ADAMTS20: variants seen among roughly 807,000 people sequenced by gnomAD.
ADAMTS20 encodes A disintegrin and metalloproteinase with thrombospondin motifs 20.
In ADAMTS20, 225 loss-of-function variants were observed where a neutral mutation model predicts 260.1. The observed-to-expected ratio is 0.87, with a 90% CI of 0.78 to 0.97. ADAMTS20 has a LOEUF of 0.97. Among genes scored for constraint, ADAMTS20 ranks in the 50% least tolerant of loss-of-function variants. The probability of loss-of-function intolerance (pLI) is 0.00; values close to 1 mark genes in which losing one functional copy is unlikely to be tolerated. For missense variants in ADAMTS20, 2,400 were observed against 2,337.7 expected, an observed-to-expected ratio of 1.03 and a Z score of -0.55; for synonymous variants, 802 against 769.5, an observed-to-expected ratio of 1.04 and a Z score of -0.70.
chr12:43,426,974 C>A (rs1270118029), intron 27 of ADAMTS20, among the ~76,000 whole-genome samples: 1 of 152,006 alleles, frequency 6.6e-6, no homozygotes, highest in Non-Finnish European at 1.5e-5. Flanking sequence ...GAGTTTGAGA[C>A]CAGCCTGGTC....
At chr12:43,404,928 T>G (rs1417630156) in intron 28 of ADAMTS20, among the ~76,000 whole-genome samples, 1 of 152,050 alleles carries the variant, frequency 6.6e-6, no homozygotes, top group Non-Finnish European at 1.5e-5. Flanking sequence ...ATAGCCTAAA[T>G]TATTGCCAGC....
Position 43,446,732 on chromosome 12 carries a change from T to A in ADAMTS20, c.2080-20A>T, listed in dbSNP as rs1248060395. Reference sequence around the variant, plus strand: ...AGCTGCCTTCAAGACACAATTACAATCAATATTATAAGAATGACTAATTAT... The same window carrying A: ...AGCTGCCTTCAAGACACAATTACAAACAATATTATAAGAATGACTAATTAT... On this transcript the variant is annotated intron_variant, in intron 14 of 38. Coordinates refer to ENST00000389420, the MANE Select transcript of ADAMTS20 (RefSeq NM_025003.5). The A allele has an allele frequency of 6.4e-7, 1 of 1,571,622 alleles. No homozygotes were observed. Among genetic ancestry groups the A allele is most frequent in the Non-Finnish European group, 8.8e-7 (1 of 1,142,640 alleles).
intron 12 of ADAMTS20, 108 bp from the exon 13 acceptor site, chr12:43,452,803 A>G (rs1405276459): frequency 2.0e-6 from 2 of 1,008,360 alleles, no homozygotes; most frequent in Non-Finnish European, 2.8e-6. Context: ...GTGAAGTCCC[A>G]CTAACACTTT....
rs376091952 is a variant in ADAMTS20, at chr12:43,454,131, A to G, written c.1615-79T>C. On this transcript the variant is annotated intron_variant, in intron 11 of 38. Coordinates refer to ENST00000389420, the MANE Select transcript of ADAMTS20 (RefSeq NM_025003.5). ...CACAAAAATTATAATAGCAGCATAA[A>G]GATCAACAGAAGAACAAACTAAACA... The G allele has an allele frequency of 2.9e-5, 43 of 1,484,020 alleles. No individual in the cohort carries two copies. In the South Asian group the frequency reaches 3.6e-4, roughly 13 times the overall value. 91.9% of individuals were successfully genotyped at this position (1,484,020 alleles called of 1,614,324 possible). A position where few individuals can be genotyped will look rare whatever the true frequency, so the allele number is the denominator to read the frequency against.
At chr12:43,471,347 T>C (rs1192559593) in intron 7 of ADAMTS20, among the ~76,000 whole-genome samples, 2 of 143,828 alleles carry the variant, frequency 1.4e-5, no homozygotes, top group African/African-American at 2.6e-5. Flanking sequence ...GCCCACGGAG[T>C]CTCGCTGTTT....
chr12:43,476,944 A>G (rs1942364512), intron 7 of ADAMTS20, among the ~76,000 whole-genome samples: 1 of 149,578 alleles, frequency 6.7e-6, no homozygotes, highest in Non-Finnish European at 1.5e-5. Context: ...ATGTATACAT[A>G]TGTAACTAAC....
chr12:43,396,601 TGACAAG>T (rs1321036630), intron 29 of ADAMTS20, among the ~76,000 whole-genome samples: 1 of 152,136 alleles, frequency 6.6e-6, no homozygotes, highest in Non-Finnish European at 1.5e-5. Flanking sequence ...CTAATTTCTA[TGACAAG>T]GAAAACTAAT....
intron 7 of ADAMTS20, among the ~76,000 whole-genome samples, chr12:43,474,617 A>C (rs1375541694): frequency 1.8e-5 from 2 of 109,084 alleles, no homozygotes; most frequent in Non-Finnish European, 3.7e-5. Flanking sequence ...CGAATCCAGC[A>C]GCACATCAAA....
At chr12:43,385,766 T>C (rs1940459247) in intron 29 of ADAMTS20, among the ~76,000 whole-genome samples, 1 of 152,108 alleles carries the variant, frequency 6.6e-6, no homozygotes. Flanking sequence ...GGTTGTAGTT[T>C]TGTGGTGTTA....
chr12:43,514,191 A>G (rs1942964996), intron 3 of ADAMTS20, among the ~76,000 whole-genome samples: 1 of 151,238 alleles, frequency 6.6e-6, no homozygotes, highest in Non-Finnish European at 1.5e-5. Context: ...GGCTCAAGCA[A>G]TCTTCCCACC....
intron 31 of ADAMTS20, among the ~76,000 whole-genome samples, chr12:43,379,671 A>G (rs1373730452): frequency 6.6e-6 from 1 of 152,216 alleles, no homozygotes; most frequent in Admixed American, 6.5e-5. Context: ...AAACTAAGTG[A>G]GCAGAGACTT....
chr12:43,412,894 T>A (rs1941059840), intron 28 of ADAMTS20, among the ~76,000 whole-genome samples: 1 of 130,244 alleles, frequency 7.7e-6, no homozygotes, highest in Non-Finnish European at 1.6e-5. Flanking sequence ...CACTGCAAGC[T>A]CCACCTCCCA....
intron 11 of ADAMTS20, among the ~76,000 whole-genome samples, chr12:43,457,789 A>C (rs1220576779): frequency 2.0e-5 from 3 of 152,192 alleles, no homozygotes; most frequent in Non-Finnish European, 2.9e-5. Flanking sequence ...GAAATAGCTA[A>C]GTAGATGTCT....
chr12:43,515,561 C>T (rs1239971102), intron 3 of ADAMTS20, among the ~76,000 whole-genome samples: 2 of 152,252 alleles, frequency 1.3e-5, no homozygotes, highest in Non-Finnish European at 1.5e-5. Context: ...AAATGTTCAT[C>T]TAACCTTTTA....
Position 43,507,302 on chromosome 12 carries a change from C to T in ADAMTS20, c.614-4897G>A, listed in dbSNP as rs111594932. 5.9e-3 allele frequency among the ~76,000 whole-genome samples: 899 copies of T among 152,266 alleles called. 5 individuals are homozygous for T. Among genetic ancestry groups the T allele is most frequent in the Non-Finnish European group, 8.9e-3 (606 of 68,016 alleles). On this transcript the variant is annotated intron_variant, in intron 3 of 38. Transcript: ENST00000389420. The stretch of plus-strand genomic sequence containing the variant: ...ATGAACAAAGCTTCAGCAAGAGATG[C>T]TTTCCTTGTCCATACGTGGCATCCT...
intron 28 of ADAMTS20, among the ~76,000 whole-genome samples, chr12:43,411,908 T>A (rs896095013): frequency 2.0e-5 from 3 of 152,092 alleles, no homozygotes; most frequent in Non-Finnish European, 2.9e-5. Context: ...GAACATTTAA[T>A]AAAATACAAA....
At chr12:43,401,133 A>T (rs1312713495) in intron 28 of ADAMTS20, among the ~76,000 whole-genome samples, 1 of 152,016 alleles carries the variant, frequency 6.6e-6, no homozygotes, top group East Asian at 1.9e-4. Flanking sequence ...AAAATTCATG[A>T]AATGTAGCCA....
In ADAMTS20 at chr12:43,428,506, T is replaced by C. The variant is rs1324219012; in HGVS notation, c.3680A>G (p.Lys1227Arg). ...SPCSASCGHG[K>R]TTRQVLCMNY... is the part of the protein sequence containing the mutation. ...CATGCATAAAACTTGTCGAGTTGTTTTTCCATGGCCACAGGAAGCTGAACA... is the reference window on the plus strand; with the variant it reads ...CATGCATAAAACTTGTCGAGTTGTTCTTCCATGGCCACAGGAAGCTGAACA... Residue 1227 changes from lysine (K) to arginine (R), a missense_variant, in exon 26 of 39, where the codon AAA becomes AGA. Physicochemically the swap from Lys to Arg is conservative, Grantham distance 26 (BLOSUM62 2). Coordinates refer to ENST00000389420, the MANE Select transcript of ADAMTS20 (RefSeq NM_025003.5). 2 of 1,613,526 alleles carry C rather than the reference T, an allele frequency of 1.2e-6. No individual in the cohort carries two copies. The highest frequency in any genetic ancestry group is 1.3e-5 in the African/African-American group (1 of 74,914).
intron 28 of ADAMTS20, among the ~76,000 whole-genome samples, chr12:43,414,215 C>T (rs980611516): frequency 6.6e-6 from 1 of 152,092 alleles, no homozygotes; most frequent in African/African-American, 2.4e-5. Context: ...AAAAGTTTGC[C>T]TTTCAAATAA....
Sources: gnomAD v4.1 joint callset for allele counts (sites outside exome capture counted in the v4.1 genomes callset) on GRCh38, gnomAD v4.1.1 for gene constraint, MANE v1.5 for transcripts, NCBI Gene and HGNC (gene_info 2026-07-23, HGNC 2026-07-21) for gene names.